The following PRKAR1B variants were observed in gnomAD, a reference collection of about 807,000 sequenced individuals.
PRKAR1B encodes the protein protein kinase cAMP-dependent type I regulatory subunit beta.
PRKAR1B carries 22 observed loss-of-function variants against 46.5 expected under a neutral mutation model. That is an observed-to-expected ratio of 0.47 (90% CI 0.34 to 0.68). The LOEUF is 0.68. PRKAR1B is among the 30% of genes least tolerant of loss of function. The pLI, the probability that PRKAR1B is intolerant of heterozygous loss-of-function variation, is 0.01. For synonymous variants in PRKAR1B, 259 were observed against 217.7 expected, an observed-to-expected ratio of 1.19 and a Z score of -1.67; for missense variants, 445 against 535.6, an observed-to-expected ratio of 0.83 and a Z score of 1.67.
intron 4 of PRKAR1B, among the ~76,000 whole-genome samples, chr7:656,657 A>G (rs1785212010): frequency 6.6e-6 from 1 of 152,094 alleles, no homozygotes; most frequent in Non-Finnish European, 1.5e-5. Flanking sequence ...GAATGGATGA[A>G]TAAGTGGGTG....
At chr7:618,149 C>G (rs993962104) in intron 4 of PRKAR1B, among the ~76,000 whole-genome samples, 7 of 152,198 alleles carry the variant, frequency 4.6e-5, no homozygotes, top group African/African-American at 1.7e-4. Flanking sequence ...AGCCCGCACA[C>G]CCATATCCCT....
rs1781699718 is a variant in PRKAR1B, at chr7:602,639, G to C, written c.549+3554C>G. 5.9e-6 allele frequency: 1 copy of C among 170,084 alleles called. No individual in the cohort carries two copies. The highest frequency in any genetic ancestry group is 1.5e-5 in the Non-Finnish European group (1 of 68,776). The allele number at this position is 170,084 out of a possible 1,614,324, so 10.5% of individuals were successfully genotyped here. A position where few individuals can be genotyped will look rare whatever the true frequency, so the allele number is the denominator to read the frequency against. On this transcript the variant is annotated intron_variant, in intron 6 of 10. Coordinates refer to ENST00000537384, the MANE Select transcript of PRKAR1B (RefSeq NM_001164760.2). The surrounding 1 kb of genome is among the most constrained non-coding windows in gnomAD (Gnocchi z 6.4). The stretch of plus-strand genomic sequence containing the variant: ...CCACCCGCGCTGAAGATGAGGACAA[G>C]CCCGGGGCGTGGGTGGTGGGCGTTT...
intron 4 of PRKAR1B, among the ~76,000 whole-genome samples, chr7:620,955 C>T (rs1783079408): frequency 6.6e-6 from 1 of 152,224 alleles, no homozygotes; most frequent in East Asian, 1.9e-4. Flanking sequence ...TGACCCTATT[C>T]TTAGTTTGCT....
chr7:695,422 C>T (rs1779676516), intron 2 of PRKAR1B, among the ~76,000 whole-genome samples: 1 of 152,114 alleles, frequency 6.6e-6, no homozygotes, highest in African/African-American at 2.4e-5. Context: ...AAGAGAGAGC[C>T]CCGTGCCGGT....
chr7:705,013 C>T (rs186622633), intron 2 of PRKAR1B, among the ~76,000 whole-genome samples: 77 of 151,840 alleles, frequency 5.1e-4, no homozygotes, highest in Non-Finnish European at 9.6e-4. Flanking sequence ...ACTTTAGGGC[C>T]GGGCGCAGTG....
chr7:566,554 GTCA>G (rs1405303223), intron 9 of PRKAR1B, among the ~76,000 whole-genome samples: 1 of 75,350 alleles, frequency 1.3e-5, no homozygotes, highest in African/African-American at 4.9e-5. Flanking sequence ...CACCATCATT[GTCA>G]TCACCTTCAC....
chr7:638,993 G>A (rs966017012), intron 4 of PRKAR1B, among the ~76,000 whole-genome samples: 6 of 152,134 alleles, frequency 3.9e-5, no homozygotes, highest in Non-Finnish European at 8.8e-5. Context: ...TAGGAGAATC[G>A]CTTGAGCCTG....
chr7:551,590 T>A, intron 9 of PRKAR1B, 120 bp from the exon 10 acceptor site: 1 of 943,070 alleles, frequency 1.1e-6, no homozygotes, highest in Non-Finnish European at 1.6e-6. Flanking sequence ...CAGGTCCTTC[T>A]CCCAGAGCCA....
chr7:726,401 C>G (rs1781280933), intron 1 of PRKAR1B, among the ~76,000 whole-genome samples: 1 of 152,154 alleles, frequency 6.6e-6, no homozygotes, highest in Non-Finnish European at 1.5e-5. Flanking sequence ...TCCAAGCCCC[C>G]TAGGCTGCAG....
chr7:564,260 G>C (rs1006769608), intron 9 of PRKAR1B, among the ~76,000 whole-genome samples: 3 of 152,192 alleles, frequency 2.0e-5, no homozygotes, highest in African/African-American at 7.2e-5. Flanking sequence ...GGTGGGGCCA[G>C]GGTGGGACAC....
chr7:669,904 C>T (rs1187679173), intron 4 of PRKAR1B, among the ~76,000 whole-genome samples: 2 of 131,856 alleles, frequency 1.5e-5, no homozygotes, highest in East Asian at 2.4e-4. Flanking sequence ...CTTGCTCTGT[C>T]GCCCAGGCTG....
chr7:658,259 C>T (rs969385893), intron 4 of PRKAR1B, among the ~76,000 whole-genome samples: 1 of 151,962 alleles, frequency 6.6e-6, no homozygotes, highest in Non-Finnish European at 1.5e-5. Flanking sequence ...CACAGCGAGA[C>T]CCCCATCTCT....
At chr7:680,985 A>C (rs1778650511) in intron 2 of PRKAR1B, among the ~76,000 whole-genome samples, 1 of 151,964 alleles carries the variant, frequency 6.6e-6, no homozygotes, top group African/African-American at 2.4e-5. Context: ...AATCCCCATC[A>C]TCCCCATCAT....
intron 4 of PRKAR1B, among the ~76,000 whole-genome samples, chr7:639,565 A>G (rs1016968450): frequency 6.6e-6 from 1 of 152,164 alleles, no homozygotes; most frequent in African/African-American, 2.4e-5. Flanking sequence ...AAAAAGATAA[A>G]ACTGCCAGGC....
intron 4 of PRKAR1B, among the ~76,000 whole-genome samples, chr7:622,118 C>T (rs112211391): frequency 0.063 from 9,608 of 152,310 alleles, 341 homozygotes; most frequent in Middle Eastern, 0.1. Context: ...AGGTAAACAC[C>T]TCCCCGCCCT....
At chr7:597,522 C>G (rs183883969) in intron 6 of PRKAR1B, among the ~76,000 whole-genome samples, 4 of 152,218 alleles carry the variant, frequency 2.6e-5, no homozygotes, top group African/African-American at 9.6e-5. Context: ...CAGCTTCCCC[C>G]CAGTGATCCC....
intron 1 of PRKAR1B, among the ~76,000 whole-genome samples, chr7:715,832 CAGCCTCCCGAGT>C (rs1228379995): frequency 6.6e-6 from 1 of 152,026 alleles, no homozygotes; most frequent in Non-Finnish European, 1.5e-5. Context: ...TCTCCTGCCT[CAGCCTCCCGAGT>C]AGCTGGGACT....
At chr7:552,266 TC>T (rs1295777966) in intron 9 of PRKAR1B, among the ~76,000 whole-genome samples, 1 of 58,898 alleles carries the variant, frequency 1.7e-5, no homozygotes, top group Non-Finnish European at 3.4e-5. Context: ...CAGGTCCTTC[TC>T]CAGAGCTACT....
At chr7:643,072 G>A (rs1211644448) in intron 4 of PRKAR1B, among the ~76,000 whole-genome samples, 4 of 151,582 alleles carry the variant, frequency 2.6e-5, no homozygotes, top group Non-Finnish European at 5.9e-5. Flanking sequence ...TCCATCAAGT[G>A]CTGAGCACAT....
Sources: gnomAD v4.1 joint callset for allele counts (sites outside exome capture counted in the v4.1 genomes callset) on GRCh38, gnomAD v4.1.1 for gene constraint, Gnocchi (gnomAD v3.1) non-coding constraint, MANE v1.5 for transcripts, NCBI Gene and HGNC (gene_info 2026-07-23, HGNC 2026-07-21) for gene names.